Variants in COL19A1 observed in about 807,000 individuals in gnomAD.
COL19A1 encodes the protein collagen type XIX alpha 1 chain.
In COL19A1, 159 loss-of-function variants were observed where a neutral mutation model predicts 190.2. That is an observed-to-expected ratio of 0.84 (90% CI 0.73 to 0.95). COL19A1 has a LOEUF of 0.95. Ranked by LOEUF, COL19A1 falls within the 40% of genes least tolerant of loss-of-function variation. The pLI is 0.00. For synonymous variants in COL19A1, 509 were observed against 458.9 expected, an observed-to-expected ratio of 1.11 and a Z score of -1.39; for missense variants, 1,418 against 1,431.9, an observed-to-expected ratio of 0.99 and a Z score of 0.16.
At chr6:70,090,004 C>T (rs1782806274) in intron 15 of COL19A1, among the ~76,000 whole-genome samples, 1 of 151,878 alleles carries the variant, frequency 6.6e-6, no homozygotes, top group African/African-American at 2.4e-5. Flanking sequence ...CATAGAGACA[C>T]CCATCTCTAC....
chr6:70,142,077 G>C lies in COL19A1; in HGVS notation c.1572+1G>C, dbSNP rs531285174. On this transcript the variant is annotated splice_donor_variant, in intron 22 of 50. Coordinates refer to ENST00000620364, the MANE Select transcript of COL19A1 (RefSeq NM_001858.6). LOFTEE classifies it high-confidence loss of function. ...TTTAATAGGAAGCCCAGGACTAAAGGTATATAAGAAATAACTAAGATTTCT... is the reference window on the plus strand; with the variant it reads ...TTTAATAGGAAGCCCAGGACTAAAGCTATATAAGAAATAACTAAGATTTCT... 4.3e-6 allele frequency: 7 copies of C among 1,610,920 alleles called. No individual in the cohort carries two copies. The East Asian group carries it at 1.6e-4, about 36-fold the overall frequency.
chr6:70,149,581 G>A (rs1786897853), intron 27 of COL19A1, 123 bp from the exon 28 acceptor site: 1 of 1,206,482 alleles, frequency 8.3e-7, no homozygotes, highest in Non-Finnish European at 1.2e-6. Context: ...TTTTCCACGT[G>A]TGTACGGTGG....
intron 44 of COL19A1, among the ~76,000 whole-genome samples, chr6:70,183,466 C>T (rs903901022): frequency 2.0e-4 from 30 of 152,266 alleles, no homozygotes; most frequent in African/African-American, 6.0e-4. Flanking sequence ...TATAGGGTTA[C>T]GTATTTTCTT....
chr6:70,078,921 G>T (rs959014948), intron 15 of COL19A1, among the ~76,000 whole-genome samples: 1 of 152,064 alleles, frequency 6.6e-6, no homozygotes, highest in Non-Finnish European at 1.5e-5. Flanking sequence ...ACAAAAATTA[G>T]CTGGGCATGG....
intron 27 of COL19A1, among the ~76,000 whole-genome samples, chr6:70,147,676 A>G (rs186392930): frequency 2.6e-4 from 40 of 152,258 alleles, no homozygotes; most frequent in African/African-American, 9.6e-4. Flanking sequence ...CTACTCATCA[A>G]TTCCCCAATG....
intron 2 of COL19A1, among the ~76,000 whole-genome samples, chr6:69,897,803 T>C (rs1383574008): frequency 2.0e-5 from 3 of 152,198 alleles, no homozygotes; most frequent in Non-Finnish European, 4.4e-5. Context: ...CCATATTAGC[T>C]AAGTAATATC....
Position 70,210,905 on chromosome 6 carries a change from T to G in COL19A1, c.*3631T>G, listed in dbSNP as rs1295835833. Among the ~76,000 whole-genome samples, 1 of 152,192 alleles carries G rather than the reference T, an allele frequency of 6.6e-6. No homozygotes were observed. The highest frequency in any genetic ancestry group is 1.5e-5 in the Non-Finnish European group (1 of 68,004). On this transcript the variant is annotated 3_prime_UTR_variant, in exon 51 of 51. Transcript: ENST00000620364. ...GTTTGTTGACTGTTTTGATTTTATT[T>G]CTTTGGTGGATATATATGTACTTAT...
At chr6:69,961,805 T>C (rs1297512928) in intron 10 of COL19A1, among the ~76,000 whole-genome samples, 3 of 151,896 alleles carry the variant, frequency 2.0e-5, no homozygotes, top group Admixed American at 2.0e-4. Flanking sequence ...ATTATGTGGG[T>C]ATATATATAT....
intron 18 of COL19A1, among the ~76,000 whole-genome samples, chr6:70,133,406 C>T (rs1490333048): frequency 1.3e-5 from 2 of 152,132 alleles, no homozygotes; most frequent in Non-Finnish European, 2.9e-5. Context: ...GGGAGAACCA[C>T]GACTTGCAGT....
At chr6:69,926,607 G>T (rs980803710) in intron 4 of COL19A1, among the ~76,000 whole-genome samples, 4 of 152,010 alleles carry the variant, frequency 2.6e-5, no homozygotes, top group African/African-American at 7.2e-5. Context: ...GGGGGAAAAA[G>T]AATGAAGAAA....
intron 15 of COL19A1, among the ~76,000 whole-genome samples, chr6:70,078,123 C>A (rs1283599475): frequency 6.6e-6 from 1 of 152,108 alleles, no homozygotes; most frequent in Non-Finnish European, 1.5e-5. Flanking sequence ...GAGAAAAAGA[C>A]AAGAGCTAAT....
chr6:70,035,768 T>C, intron 13 of COL19A1, 136 bp from the exon 14 acceptor site: 1 of 663,982 alleles, frequency 1.5e-6, no homozygotes, highest in Non-Finnish European at 2.6e-6. Flanking sequence ...ATGCAGAGAC[T>C]TTTATCAGGA....
intron 11 of COL19A1, among the ~76,000 whole-genome samples, chr6:69,979,553 A>G (rs1775924017): frequency 6.6e-6 from 1 of 151,922 alleles, no homozygotes; most frequent in African/African-American, 2.4e-5. Flanking sequence ...AAAAAGGGCA[A>G]AAATAGATTA....
chr6:69,871,139 A>G (rs1767797793), intron 1 of COL19A1, among the ~76,000 whole-genome samples: 1 of 152,208 alleles, frequency 6.6e-6, no homozygotes, highest in Non-Finnish European at 1.5e-5. Flanking sequence ...CCTAGTCGTA[A>G]ACTCTTAGGG....
At chr6:69,952,064 C>T (rs1774158253) in intron 9 of COL19A1, among the ~76,000 whole-genome samples, 1 of 151,834 alleles carries the variant, frequency 6.6e-6, no homozygotes, top group Admixed American at 6.6e-5. Context: ...GGCTGTGTCC[C>T]TTCCCTTTAA....
At chr6:70,154,293 CT>C (rs1432213969) in intron 31 of COL19A1, among the ~76,000 whole-genome samples, 1 of 152,026 alleles carries the variant, frequency 6.6e-6, no homozygotes, top group African/African-American at 2.4e-5. Context: ...TGAACTCATC[CT>C]TTTTTATGGC....
chr6:69,928,161 C>A, intron 5 of COL19A1, 129 bp downstream of exon 5: 1 of 1,212,102 alleles, frequency 8.3e-7, no homozygotes, highest in Non-Finnish European at 1.1e-6. Flanking sequence ...GAGGGATCAT[C>A]AACAAGAAAA....
At chr6:69,888,161 C>T (rs759677692) in intron 2 of COL19A1, among the ~76,000 whole-genome samples, 7 of 152,108 alleles carry the variant, frequency 4.6e-5, no homozygotes, top group Admixed American at 6.5e-5. Context: ...GTTGCATTAC[C>T]GTTTAGAGTT....
intron 15 of COL19A1, among the ~76,000 whole-genome samples, chr6:70,073,348 T>C (rs1562145059): frequency 6.6e-6 from 1 of 152,098 alleles, no homozygotes; most frequent in Non-Finnish European, 1.5e-5. Context: ...CTTGTGTGAA[T>C]TCCTCAGCCA....
Sources: gnomAD v4.1 joint callset for allele counts (sites outside exome capture counted in the v4.1 genomes callset) on GRCh38, gnomAD v4.1.1 for gene constraint, MANE v1.5 for transcripts, NCBI Gene and HGNC (gene_info 2026-07-23, HGNC 2026-07-21) for gene names.